CNOT4: variants seen among roughly 807,000 people sequenced by gnomAD.
CNOT4 encodes CCR4-NOT transcription complex subunit 4.
CNOT4 carries 8 observed loss-of-function variants against 73.8 expected under a neutral mutation model. The ratio of observed to expected loss-of-function variants is 0.11; its 90% CI spans 0.06 to 0.20. The LOEUF is 0.20. CNOT4 is among the 10% of genes least tolerant of loss of function. The pLI, the probability that CNOT4 is intolerant of heterozygous loss-of-function variation, is 1.00. For synonymous variants in CNOT4, 293 were observed against 321.1 expected, an observed-to-expected ratio of 0.91 and a Z score of 0.94; for missense variants, 564 against 883.4, an observed-to-expected ratio of 0.64 and a Z score of 4.58.
intron 1 of CNOT4, among the ~76,000 whole-genome samples, chr7:135,480,044 CATA>C (rs1253879302): frequency 3.3e-5 from 5 of 152,134 alleles, no homozygotes; most frequent in Non-Finnish European, 7.4e-5. Context: ...AAAAAGTTCA[CATA>C]ATAAGATAAC....
chr7:135,478,519 T>C (rs1027932710), intron 1 of CNOT4, among the ~76,000 whole-genome samples: 2 of 152,084 alleles, frequency 1.3e-5, no homozygotes, highest in East Asian at 1.9e-4. Context: ...CCTGGGCAAC[T>C]GGGGAGACCC....
chr7:135,472,551 A>G (rs1409041913), intron 1 of CNOT4, among the ~76,000 whole-genome samples: 1 of 99,504 alleles, frequency 1.0e-5, no homozygotes, highest in African/African-American at 3.9e-5. Flanking sequence ...ATATATATAT[A>G]TATATATAAA....
At chr7:135,447,506 T>C (rs1156862467) in intron 1 of CNOT4, among the ~76,000 whole-genome samples, 1 of 152,192 alleles carries the variant, frequency 6.6e-6, no homozygotes, top group African/African-American at 2.4e-5. Flanking sequence ...ATCAACTATG[T>C]AGGGCTGCTT....
intron 1 of CNOT4, among the ~76,000 whole-genome samples, chr7:135,488,472 C>G (rs971007691): frequency 6.6e-6 from 1 of 152,170 alleles, no homozygotes; most frequent in African/African-American, 2.4e-5. Context: ...CTCGGCCTCC[C>G]AAAGTGCTAG....
intron 10 of CNOT4, chr7:135,388,762 C>G (rs767091569): frequency 1.8e-5 from 28 of 1,597,322 alleles, no homozygotes; most frequent in African/African-American, 2.7e-5. Context: ...GCAAGCACCC[C>G]AGAGTCTAAT....
intron 2 of CNOT4, among the ~76,000 whole-genome samples, chr7:135,424,110 A>AT (rs1235536223): frequency 1.3e-5 from 2 of 151,338 alleles, no homozygotes; most frequent in Non-Finnish European, 2.9e-5. Context: ...TAAAACATAA[A>AT]TTATTTCTTG....
At chr7:135,381,400 C>G (rs780057444) in intron 10 of CNOT4, among the ~76,000 whole-genome samples, 4 of 152,174 alleles carry the variant, frequency 2.6e-5, no homozygotes, top group African/African-American at 9.7e-5. Context: ...CATTTCAAAG[C>G]TATTTAGAGT....
intron 1 of CNOT4, among the ~76,000 whole-genome samples, chr7:135,497,086 C>A (rs956907524): frequency 6.6e-6 from 1 of 151,846 alleles, no homozygotes; most frequent in East Asian, 2.0e-4. Context: ...GGATTACAGG[C>A]GTGAGCCACT....
intron 1 of CNOT4, among the ~76,000 whole-genome samples, chr7:135,464,460 A>C (rs1375722616): frequency 1.3e-5 from 2 of 152,228 alleles, no homozygotes; most frequent in Non-Finnish European, 2.9e-5. Flanking sequence ...GCATGTTCTC[A>C]CTTATAAATG....
chr7:135,441,671 T>C (rs1799487606), intron 1 of CNOT4, among the ~76,000 whole-genome samples: 1 of 152,198 alleles, frequency 6.6e-6, no homozygotes, highest in South Asian at 2.1e-4. Flanking sequence ...GTGAAATAAT[T>C]TATGGAATGT....
chr7:135,503,715 G>T (rs1188536364), intron 1 of CNOT4, among the ~76,000 whole-genome samples: 1 of 152,150 alleles, frequency 6.6e-6, no homozygotes, highest in East Asian at 1.9e-4. Flanking sequence ...TGTGCAGAAA[G>T]ATTTAATGCA....
intron 3 of CNOT4, among the ~76,000 whole-genome samples, chr7:135,417,423 T>C (rs151264487): frequency 1.3e-3 from 193 of 152,338 alleles, no homozygotes; most frequent in African/African-American, 4.3e-3. Flanking sequence ...TCAAATTATG[T>C]GTGTAGACAA....
At chr7:135,455,273 T>C (rs1358914985) in intron 1 of CNOT4, among the ~76,000 whole-genome samples, 5 of 146,496 alleles carry the variant, frequency 3.4e-5, no homozygotes, top group South Asian at 2.2e-4. Flanking sequence ...AATCCTGTTC[T>C]CCTAAAAAAA....
At chr7:135,474,081 G>C (rs1360867442) in intron 1 of CNOT4, among the ~76,000 whole-genome samples, 1 of 149,702 alleles carries the variant, frequency 6.7e-6, no homozygotes, top group African/African-American at 2.5e-5. Context: ...CCTGGTTCAA[G>C]TGATTCTCCT....
intron 6 of CNOT4, among the ~76,000 whole-genome samples, chr7:135,413,154 A>G (rs998689240): frequency 1.3e-5 from 2 of 151,948 alleles, no homozygotes; most frequent in Admixed American, 6.6e-5. Context: ...AGCATTTCCC[A>G]AAGTGTTTTC....
intron 3 of CNOT4, among the ~76,000 whole-genome samples, chr7:135,421,579 T>G (rs188255253): frequency 1.4e-3 from 210 of 152,296 alleles, no homozygotes; most frequent in African/African-American, 4.5e-3. Context: ...GAAACAAGGT[T>G]AAGCTCTCTC....
chr7:135,445,058 T>A (rs926601744), intron 1 of CNOT4: 1 of 772,914 alleles, frequency 1.3e-6, no homozygotes, highest in Non-Finnish European at 2.3e-6. Context: ...CTTCTCTTAA[T>A]CACAAGGTTA....
Position 135,414,364 on chromosome 7 carries a change from G to T in CNOT4, c.528C>A (p.Val176=). 6.7e-7 allele frequency: 1 copy of T among 1,502,850 alleles called. No homozygotes were observed. The highest frequency in any genetic ancestry group is 9.2e-7 in the Non-Finnish European group (1 of 1,082,496). 93.1% of individuals were successfully genotyped at this position (1,502,850 alleles called of 1,614,324 possible). A position where few individuals can be genotyped will look rare whatever the true frequency, so the allele number is the denominator to read the frequency against. The part of the protein sequence containing the change: ...SEDALRAIQC[V]NNVVVDGRTL... Reference sequence around the variant, plus strand: ...TTCTGCCATCTACTACCACATTGTTGACACACTGTATGGCTCTGAGAGCGT... The same window carrying T: ...TTCTGCCATCTACTACCACATTGTTTACACACTGTATGGCTCTGAGAGCGT... Residue 176 remains valine, a synonymous_variant, in exon 5 of 12, where the codon GTC becomes GTA. Transcript: ENST00000541284.
intron 1 of CNOT4, among the ~76,000 whole-genome samples, chr7:135,501,335 C>T (rs1033667683): frequency 6.6e-6 from 1 of 152,048 alleles, no homozygotes; most frequent in East Asian, 1.9e-4. Flanking sequence ...TCACTTTCTT[C>T]GCAAAAGCTG....
Sources: gnomAD v4.1 joint callset for allele counts (sites outside exome capture counted in the v4.1 genomes callset) on GRCh38, gnomAD v4.1.1 for gene constraint, MANE v1.5 for transcripts, NCBI Gene and HGNC (gene_info 2026-07-23, HGNC 2026-07-21) for gene names.